PCDH11Y: variants seen among roughly 807,000 people sequenced by gnomAD.
PCDH11Y encodes the protein protocadherin-11 Y-linked.
For synonymous variants in PCDH11Y, 9 were observed against 83.6 expected (o/e 0.11, Z 4.87); for missense variants, 12 against 224.8 (o/e 0.05, Z 6.05).
intron 4 of PCDH11Y, among the ~76,000 whole-genome samples, chrY:5,702,168 A>AT (rs1288090611): frequency 2.1e-4 from 6 of 28,057 alleles, no homozygotes; most frequent in African/African-American, 4.1e-4. Flanking sequence ...TGGACTGTGG[A>AT]TTTTTTTTTT....
At chrY:5,594,863 C>G (rs2557020) in intron 4 of PCDH11Y, among the ~76,000 whole-genome samples, 1 of 33,306 alleles carries the variant, frequency 3.0e-5, no homozygotes. Flanking sequence ...AGTCAAGCCT[C>G]GGGGGTGAGA....
intron 3 of PCDH11Y, among the ~76,000 whole-genome samples, chrY:5,531,963 G>C: frequency 7.4e-5 from 2 of 26,867 alleles, no homozygotes; most frequent in African/African-American, 2.9e-4. Context: ...TGTATTTGCT[G>C]TTCTTCAAGT....
Position 5,302,943 on chromosome Y carries a change from A to G in PCDH11Y, c.3130-198114A>G, listed in dbSNP as rs2563019. On this transcript the variant is annotated intron_variant, in intron 2 of 4. Coordinates refer to the PCDH11Y transcript ENST00000400457. ...TTCATTTTTTACTTTTACAGAGAAT[A>G]TATGCATTTTAGGCAACTTTTGCTC... is the stretch of plus-strand genomic sequence containing the variant. Among the ~76,000 whole-genome samples the G allele has an allele frequency of 3.3e-3, 109 of 33,071 alleles. No homozygotes were observed. In the East Asian group the frequency reaches 0.053, roughly 16 times the overall value. 88.7% of individuals were successfully genotyped at this position (33,071 alleles called of 37,273 possible). A position where few individuals can be genotyped will look rare whatever the true frequency, so the allele number is the denominator to read the frequency against.
intron 3 of PCDH11Y, among the ~76,000 whole-genome samples, chrY:5,039,056 A>G (rs2563688): frequency 1.9e-3 from 64 of 32,966 alleles, no homozygotes; most frequent in African/African-American, 6.7e-3. Flanking sequence ...GGACAATTGA[A>G]CACTTAAAAT....
At chrY:5,254,756 C>T (rs2053008138) in intron 2 of PCDH11Y, among the ~76,000 whole-genome samples, 1 of 32,773 alleles carries the variant, frequency 3.1e-5, no homozygotes, top group African/African-American at 1.2e-4. Flanking sequence ...CTCTTGACCT[C>T]GTGATCTGCC....
intron 2 of PCDH11Y, among the ~76,000 whole-genome samples, chrY:5,411,448 A>G: frequency 3.2e-5 from 1 of 30,972 alleles, no homozygotes; most frequent in Non-Finnish European, 7.7e-5. Flanking sequence ...ATTAGATATC[A>G]TTTGCCAATT....
chrY:5,720,765 T>C, intron 4 of PCDH11Y, among the ~76,000 whole-genome samples: 13 of 32,135 alleles, frequency 4.0e-4, no homozygotes, highest in Admixed American at 3.7e-3. Context: ...TTCTAGAAAA[T>C]CTACTAATAT....
At chrY:5,648,555 T>C in intron 4 of PCDH11Y, among the ~76,000 whole-genome samples, 1 of 30,128 alleles carries the variant, frequency 3.3e-5, no homozygotes, top group Admixed American at 3.1e-4. Flanking sequence ...TTCAGAGAAA[T>C]GCTAATCACA....
At chrY:5,369,392 G>T in intron 2 of PCDH11Y, among the ~76,000 whole-genome samples, 1 of 33,213 alleles carries the variant, frequency 3.0e-5, no homozygotes. Flanking sequence ...TTCCGCTTTT[G>T]CTTCTTCCTC....
At chrY:5,406,150 C>G (rs1602920580) in intron 2 of PCDH11Y, among the ~76,000 whole-genome samples, 1 of 22,689 alleles carries the variant, frequency 4.4e-5, no homozygotes, top group Non-Finnish European at 1.0e-4. Context: ...GTCTCAAAAA[C>G]AAAAAAAAAG....
rs371945297 is a variant in PCDH11Y at position 5,149,609 on chromosome Y, C to T, written c.3129+48902C>T. ...ACACACACACACACACACACACACA[C>T]ATATATATATAGAAGGAGATTTATT... On this transcript the variant is annotated intron_variant, in intron 2 of 4. Coordinates refer to the PCDH11Y transcript ENST00000400457. Among the ~76,000 whole-genome samples, 145 of 21,800 alleles carry T rather than the reference C, an allele frequency of 6.7e-3. No individual in the cohort carries two copies. The East Asian group carries it at 0.18, about 27-fold the overall frequency. The allele number at this position is 21,800 out of a possible 37,273, so 58.5% of individuals were successfully genotyped here.
chrY:5,210,862 T>C, intron 2 of PCDH11Y, among the ~76,000 whole-genome samples: 1 of 33,551 alleles, frequency 3.0e-5, no homozygotes, highest in Non-Finnish European at 7.4e-5. Context: ...AAAGATTTAA[T>C]TGAATTATAA....
In PCDH11Y at chrY:5,632,567, G is replaced by A. The variant is rs779328324; in HGVS notation, c.3352+50769G>A. The stretch of plus-strand genomic sequence containing the variant: ...AATGAAGAAACTTTGGAAGTAAAAG[G>A]GGATATGAGGCTTATGGAATTGATA... On this transcript the variant is annotated intron_variant, in intron 4 of 4. Coordinates refer to the PCDH11Y transcript ENST00000400457. 0.011 allele frequency among the ~76,000 whole-genome samples: 357 copies of A among 31,191 alleles called. No homozygotes were observed. The Middle Eastern group carries it at 0.25, about 22-fold the overall frequency. 83.7% of individuals were successfully genotyped at this position (31,191 alleles called of 37,273 possible). A position where few individuals can be genotyped will look rare whatever the true frequency, so the allele number is the denominator to read the frequency against.
intron 4 of PCDH11Y, chrY:5,615,184 C>G: frequency 2.0e-5 from 1 of 50,341 alleles, no homozygotes; most frequent in Non-Finnish European, 4.6e-5. Flanking sequence ...TCATATCAAC[C>G]ACGATCAAAA....
chrY:5,315,074 T>G, intron 2 of PCDH11Y, among the ~76,000 whole-genome samples: 1 of 33,122 alleles, frequency 3.0e-5, no homozygotes, highest in Non-Finnish European at 7.4e-5. Context: ...ATACTCCAAC[T>G]TTAGCTTCAA....
intron 2 of PCDH11Y, among the ~76,000 whole-genome samples, chrY:5,351,501 G>A (rs2053159214): frequency 3.2e-5 from 1 of 31,265 alleles, no homozygotes; most frequent in Non-Finnish European, 7.7e-5. Context: ...TTTCACCAAT[G>A]GAAGCTGATT....
At chrY:5,708,103 C>A in intron 4 of PCDH11Y, among the ~76,000 whole-genome samples, 1 of 32,804 alleles carries the variant, frequency 3.0e-5, no homozygotes, top group Non-Finnish European at 7.5e-5. Flanking sequence ...AAACAACCAA[C>A]AACAACAACA....
At chrY:5,129,044 T>A (rs2124640880) in intron 2 of PCDH11Y, among the ~76,000 whole-genome samples, 1 of 33,203 alleles carries the variant, frequency 3.0e-5, no homozygotes, top group Non-Finnish European at 7.5e-5. Flanking sequence ...ATAAATCACT[T>A]GAGGAAAACA....
chrY:5,241,237 G>T, intron 2 of PCDH11Y, among the ~76,000 whole-genome samples: 2 of 32,733 alleles, frequency 6.1e-5, no homozygotes, highest in Admixed American at 2.9e-4. Flanking sequence ...TGAAGGGAAC[G>T]TTGTGGATGG....
Sources: gnomAD v4.1 joint callset for allele counts (sites outside exome capture counted in the v4.1 genomes callset) on GRCh38, gnomAD v4.1.1 for gene constraint, MANE v1.5 for transcripts, NCBI Gene and HGNC (gene_info 2026-07-23, HGNC 2026-07-21) for gene names.